IRF7: variants seen among roughly 807,000 people sequenced by gnomAD.
IRF7 encodes interferon regulatory factor 7.
A neutral mutation model predicts 51.3 loss-of-function variants in IRF7; 67 were observed. The ratio of observed to expected loss-of-function variants is 1.31; its 90% CI spans 1.07 to 1.60. IRF7 has a LOEUF of 1.60. Ranked by LOEUF, IRF7 falls within the 40% of genes most tolerant of loss-of-function variation. IRF7 has a pLI of 0.00. For missense variants in IRF7, 873 were observed against 701.5 expected (o/e 1.24, Z -2.76); for synonymous variants, 427 against 301.3 (o/e 1.42, Z -4.32).
At position 615,115 on chromosome 11, in the gene IRF7, G is replaced by A. The variant is rs749248656; in HGVS notation, c.165C>T (p.Ala55=). ...KHFARKDLSE[A]DARIFKAWAV... is the part of the protein sequence containing the mutation. ...TCCCCACCTTGAAGATGCGCGCGTC[G>A]GCCTCGCTCAGGTCCTTGCGCGCGA... Residue 55 remains alanine, a synonymous_variant, in exon 3 of 11, where the codon GCC becomes GCT. Transcript: ENST00000525445. 29 of 1,595,802 alleles carry A rather than the reference G, an allele frequency of 1.8e-5. No individual in the cohort carries two copies. The highest frequency in any genetic ancestry group is 1.7e-4 in the Middle Eastern group (1 of 6,036).
Position 614,525 on chromosome 11 carries a change from C to T in IRF7, c.404G>A (p.Gly135Asp), listed in dbSNP as rs1164906479. Reference protein sequence around the residue: ...SRELCWREGPGTDQTEAEAPA... With the variant: ...SRELCWREGPDTDQTEAEAPA... ...GGCCTCTGCCTCAGTCTGGTCCGTGCCTGGGCCTTCTGAGAGAGAATGGGG... is the reference window on the plus strand; with the variant it reads ...GGCCTCTGCCTCAGTCTGGTCCGTGTCTGGGCCTTCTGAGAGAGAATGGGG... The change falls in exon 5 of 11, where the codon GGC (glycine) becomes GAC (aspartate). Residue 135 changes from glycine to aspartate, a missense_variant. Coordinates refer to ENST00000525445, the MANE Select transcript of IRF7 (RefSeq NM_001572.5). The T allele has an allele frequency of 1.1e-5, 17 of 1,554,288 alleles. No individual in the cohort carries two copies. Among genetic ancestry groups the T allele is most frequent in the African/African-American group, 5.4e-5 (4 of 73,436 alleles).
chr11:615,192 G>A lies in IRF7; in HGVS notation c.88C>T (p.Leu30=). 6.2e-7 allele frequency: 1 copy of A among 1,602,918 alleles called. No homozygotes were observed. Among genetic ancestry groups the A allele is most frequent in the Non-Finnish European group, 8.5e-7 (1 of 1,178,366 alleles). Residue 30 remains leucine, a synonymous_variant, in exon 3 of 11, where the codon CTG becomes TTG. Transcript: ENST00000525445. ...GEISSGCYEG[L]QWLDEARTCF... ...GTGCGGGCCTCGTCCAGCCACTGCA[G>A]CCCCTCATAGCAGCCGCTGCTGATC...
intron 2 of IRF7, 26 bp from the exon 3 acceptor site, chr11:615,285 C>A: frequency 4.4e-6 from 7 of 1,577,610 alleles, no homozygotes; most frequent in Non-Finnish European, 6.0e-6. Flanking sequence ...CGCGGAGAGT[C>A]AGGGCCGGCT....
intron 10 of IRF7, 74 bp from the exon 11 acceptor site, chr11:612,874 C>CGTCGGGCGTCT: frequency 6.3e-7 from 1 of 1,584,688 alleles, no homozygotes; most frequent in Non-Finnish European, 8.6e-7. Flanking sequence ...GCTCTGAGGG[C>CGTCGGGCGTCT]GTCGGGCGTC....
chr11:613,346 A>C lies in IRF7; in HGVS notation c.1097T>G (p.Leu366Arg). Residue 366 changes from leucine (L) to arginine (R), a missense_variant, in exon 9 of 11, where the codon CTG becomes CGG. By Grantham distance (102) the Leu-to-Arg change is moderately radical. Transcript: ENST00000525445. ...GLHLELRGPQ[L>R]WARRMGKCKV... Reference sequence around the variant, plus strand: ...GCACTTGCCCATGCGCCGGGCCCACAGCTGTGGCCCCCGAAGCTCCAGGTG... The same window carrying C: ...GCACTTGCCCATGCGCCGGGCCCACCGCTGTGGCCCCCGAAGCTCCAGGTG... 1 of 1,611,466 alleles carries C rather than the reference A, an allele frequency of 6.2e-7. No individual in the cohort carries two copies.
At position 613,358 on chromosome 11, in the gene IRF7, C is replaced by G. The variant is rs760800493; in HGVS notation, c.1085G>C (p.Arg362Pro). Residue 362 changes from arginine (R) to proline (P), a missense_variant, in exon 9 of 11, where the codon CGG becomes CCG. Arg to Pro is a moderately radical substitution (Grantham distance 103). Coordinates refer to ENST00000525445, the MANE Select transcript of IRF7 (RefSeq NM_001572.5). ...HVAPGLHLEL[R>P]GPQLWARRMG... ...GCGCCGGGCCCACAGCTGTGGCCCC[C>G]GAAGCTCCAGGTGCAACCCAGGGGC... 4.3e-6 allele frequency: 7 copies of G among 1,610,690 alleles called. No individual in the cohort carries two copies. The African/African-American group carries it at 6.7e-5, about 15-fold the overall frequency.
At chr11:613,635 G>C in intron 8 of IRF7, 40 bp from the exon 9 acceptor site, 1 of 1,341,656 alleles carries the variant, frequency 7.5e-7, no homozygotes, top group Non-Finnish European at 9.7e-7. Flanking sequence ...GGGTGGGCGG[G>C]GACAGGCTGT....
rs1302421672 is a variant in IRF7, at chr11:613,035, A to C, written c.1320T>G (p.Ala440=). 1.9e-6 allele frequency: 3 copies of C among 1,613,102 alleles called. 1 individual carries two copies. In the South Asian group the frequency reaches 3.3e-5, roughly 18 times the overall value. The change falls in exon 10 of 11, where the codon GCT becomes GCG. Residue 440 remains alanine, a synonymous_variant. Coordinates refer to ENST00000525445, the MANE Select transcript of IRF7 (RefSeq NM_001572.5). ...CCAGGCTCTTCTCCTTGGGCCTCCC[A>C]GCTGACAGGTCCTGCCCGAAGCCCA... is the stretch of plus-strand genomic sequence containing the variant. ...IYLGFGQDLS[A]GRPKEKSLVL...
intron 6 of IRF7, 21 bp downstream of exon 6, chr11:614,153 C>G (rs758778364): frequency 5.6e-6 from 9 of 1,606,026 alleles, no homozygotes; most frequent in East Asian, 4.5e-5. Flanking sequence ...GCGCTCCCCC[C>G]CTCCCCGGGC....
chr11:613,912 T>C (rs754683060), intron 7 of IRF7, 39 bp downstream of exon 7: 99 of 1,599,764 alleles, frequency 6.2e-5, no homozygotes, highest in Non-Finnish European at 7.9e-5. Flanking sequence ...CCCTAGCCTC[T>C]CCCTGTGCCC....
Position 614,918 on chromosome 11 carries a change from C to T in IRF7, c.273G>A (p.Trp91Ter), listed in dbSNP as rs1416109339. 1.5e-5 allele frequency: 23 copies of T among 1,585,662 alleles called. No homozygotes were observed. The highest frequency in any genetic ancestry group is 2.0e-5 in the Non-Finnish European group (23 of 1,169,110). ...PEAETAERAG[W>*]KTNFRCALRS... ...GCAGTGCGCAGCGGAAGTTGGTTTTCCAGCCGGCGCGCTCCGCAGTCTCAG... is the reference window on the plus strand; with the variant it reads ...GCAGTGCGCAGCGGAAGTTGGTTTTTCAGCCGGCGCGCTCCGCAGTCTCAG... Residue 91 changes from tryptophan to a stop codon, truncating the protein, a stop_gained, in exon 4 of 11, where the codon TGG (tryptophan) becomes TGA (stop). Transcript: ENST00000525445. LOFTEE classifies it high-confidence loss of function.
chr11:614,579 G>A, intron 4 of IRF7, 45 bp from the exon 5 acceptor site: 1 of 1,543,628 alleles, frequency 6.5e-7, no homozygotes, highest in Non-Finnish European at 8.8e-7. Context: ...ACCAGAGTGA[G>A]AGATACAAGG....
intron 7 of IRF7, 40 bp from the exon 8 acceptor site, chr11:613,905 TA>T: frequency 3.8e-6 from 6 of 1,599,250 alleles, no homozygotes; most frequent in Non-Finnish European, 5.1e-6. Flanking sequence ...ACCTCATCCC[TA>T]GCCTCTCCCT....
intron 10 of IRF7, 28 bp from the exon 11 acceptor site, chr11:612,828 G>C: frequency 1.3e-6 from 2 of 1,599,146 alleles, no homozygotes; most frequent in Non-Finnish European, 1.7e-6. Context: ...GCGTCTGTCA[G>C]TGACCCGGCG....
rs1200946588 is a variant in IRF7 at position 614,948 on chromosome 11, G to A, written c.243C>T (p.Pro81=). 2.4e-5 allele frequency: 37 copies of A among 1,568,044 alleles called. No homozygotes were observed. Among genetic ancestry groups the A allele is most frequent in the Non-Finnish European group, 2.8e-5 (33 of 1,160,142 alleles). ...PPSSRGGGPP[P]EAETAERAGW... is the part of the protein sequence containing the mutation. The stretch of plus-strand genomic sequence containing the variant: ...CGGCGCGCTCCGCAGTCTCAGCCTC[G>A]GGGGGCGGGCCACCTCCCCTGCTGC... The change falls in exon 4 of 11, where the codon CCC becomes CCT. Residue 81 remains proline (P), a synonymous_variant. Coordinates refer to ENST00000525445, the MANE Select transcript of IRF7 (RefSeq NM_001572.5).
rs780994139 is a variant in IRF7 at position 613,052 on chromosome 11, C to T, written c.1303G>A (p.Gly435Arg). 22 of 1,613,098 alleles carry T rather than the reference C, an allele frequency of 1.4e-5. No homozygotes were observed. Among genetic ancestry groups the T allele is most frequent in the East Asian group, 2.2e-5 (1 of 44,886 alleles). ...GGCCTCCCAGCTGACAGGTCCTGCC[C>T]GAAGCCCAGGTAGATGGTATAGCGT... is the stretch of plus-strand genomic sequence containing the variant. ...SPRYTIYLGFGQDLSAGRPKE... is the reference protein window; with the variant it reads ...SPRYTIYLGFRQDLSAGRPKE... The change falls in exon 10 of 11, where the codon GGG becomes AGG. Residue 435 changes from glycine (G) to arginine (R), a missense_variant. Gly to Arg is a moderately radical substitution (Grantham distance 125, BLOSUM62 -2). Transcript: ENST00000525445.
chr11:613,670 GGATGTGAGTGACGGGGGTGGGCGGGGA>G (rs768998382), intron 8 of IRF7, 75 bp from the exon 9 acceptor site: 153,713 of 817,606 alleles, frequency 0.19, 19,247 homozygotes, highest in Admixed American at 0.25. Context: ...GGCGGGGACA[GGATGTGAGTGACGGGGGTGGGCGGGGA>G]CAGGATGTGA....
At position 613,300 on chromosome 11, in the gene IRF7, G is replaced by A. The variant is rs755335495; in HGVS notation, c.1143C>T (p.Gly381=). The A allele has an allele frequency of 1.4e-5, 22 of 1,610,516 alleles. No individual in the cohort carries two copies. The highest frequency in any genetic ancestry group is 1.6e-4 in the Middle Eastern group (1 of 6,076). ...MGKCKVYWEV[G]GPPGSASPST... is the part of the protein sequence containing the mutation. ...AGGGGCTGGCGGAGCCTGGGGGTCC[G>A]CCCACCTCCCAGTACACCTTGCACT... Residue 381 remains glycine (G), a synonymous_variant, in exon 9 of 11, where the codon GGC becomes GGT. Transcript: ENST00000525445.
At chr11:614,135 C>T in intron 6 of IRF7, 39 bp downstream of exon 6, 4 of 1,592,554 alleles carry the variant, frequency 2.5e-6, no homozygotes, top group South Asian at 2.2e-5. Context: ...GGTGCACTGG[C>T]CCCTCCCGCG....
Sources: gnomAD v4.1 joint callset for allele counts on GRCh38, gnomAD v4.1.1 for gene constraint, MANE v1.5 for transcripts, NCBI Gene and HGNC (gene_info 2026-07-23, HGNC 2026-07-21) for gene names.